Variants in ZNF492 observed in about 807,000 individuals in gnomAD.
The protein encoded by ZNF492 is zinc finger protein 492.
Under a neutral mutation model 6.4 loss-of-function variants are expected in ZNF492, and 3 were observed. That is an observed-to-expected ratio of 0.47 (90% CI 0.21 to 1.22). The LOEUF (loss-of-function observed/expected upper bound fraction) is 1.22, where lower values mean the gene tolerates loss of function less well. Ranked by LOEUF, ZNF492 falls within the 50% of genes most tolerant of loss-of-function variation. ZNF492 has a pLI of 0.22. For synonymous variants in ZNF492, 112 were observed against 205.3 expected, an observed-to-expected ratio of 0.55 and a Z score of 3.89; for missense variants, 356 against 612.5, an observed-to-expected ratio of 0.58 and a Z score of 4.42.
chr19:22,641,662 C>G lies in ZNF492; in HGVS notation c.-94+7188C>G, dbSNP rs147117946. 6.9e-3 allele frequency among the ~76,000 whole-genome samples: 1,052 copies of G among 152,238 alleles called. 10 individuals carry two copies. Among genetic ancestry groups the G allele is most frequent in the Non-Finnish European group, 0.012 (784 of 68,022 alleles). Reference sequence around the variant, plus strand: ...AGGTCTTAATATCTTTGTTAATTTTCTGCCTCAATAATGTGACTATTAGTG... The same window carrying G: ...AGGTCTTAATATCTTTGTTAATTTTGTGCCTCAATAATGTGACTATTAGTG... On this transcript the variant is annotated intron_variant, in intron 1 of 3. Coordinates refer to ENST00000456783, the MANE Select transcript of ZNF492 (RefSeq NM_020855.3).
chr19:22,656,380 G>A (rs1971996980), intron 3 of ZNF492, among the ~76,000 whole-genome samples: 1 of 151,546 alleles, frequency 6.6e-6, no homozygotes, highest in Non-Finnish European at 1.5e-5. Context: ...GCAGATTTCT[G>A]CACTTGGGTC....
intron 1 of ZNF492, among the ~76,000 whole-genome samples, chr19:22,651,277 G>A (rs184412775): frequency 6.6e-6 from 1 of 152,056 alleles, no homozygotes; most frequent in Non-Finnish European, 1.5e-5. Context: ...TCAGGTGCCA[G>A]TGCAGGATTC....
intron 1 of ZNF492, among the ~76,000 whole-genome samples, chr19:22,648,150 T>C (rs1047077995): frequency 1.3e-5 from 2 of 152,218 alleles, no homozygotes; most frequent in Admixed American, 6.5e-5. Context: ...TCTAGTATGT[T>C]GTGATTTTGT....
chr19:22,640,131 T>G (rs186518372), intron 1 of ZNF492, among the ~76,000 whole-genome samples: 36 of 152,238 alleles, frequency 2.4e-4, no homozygotes, highest in Admixed American at 8.5e-4. Flanking sequence ...CAGTTCTTAT[T>G]ATGTGATGAA....
intron 3 of ZNF492, among the ~76,000 whole-genome samples, chr19:22,658,105 T>C (rs1972014994): frequency 6.6e-6 from 1 of 152,134 alleles, no homozygotes; most frequent in Non-Finnish European, 1.5e-5. Context: ...AACCTAAAAT[T>C]TACCACCTTA....
At chr19:22,653,068 A>G (rs1487647498) in intron 1 of ZNF492, among the ~76,000 whole-genome samples, 3 of 150,110 alleles carry the variant, frequency 2.0e-5, no homozygotes, top group African/African-American at 7.5e-5. Flanking sequence ...TTTATACTTC[A>G]TCATCCGAAG....
At chr19:22,654,605 CTTT>C (rs35048607) in intron 3 of ZNF492, among the ~76,000 whole-genome samples, 1 of 130,164 alleles carries the variant, frequency 7.7e-6, no homozygotes. Context: ...TTTTCTCTTT[CTTT>C]TTTTTTTTTT....
chr19:22,641,670 A>G (rs1971826389), intron 1 of ZNF492, among the ~76,000 whole-genome samples: 1 of 152,198 alleles, frequency 6.6e-6, no homozygotes, highest in Non-Finnish European at 1.5e-5. Flanking sequence ...TTCTGCCTCA[A>G]TAATGTGACT....
intron 1 of ZNF492, 109 bp downstream of exon 1, chr19:22,634,583 G>A: frequency 8.8e-7 from 1 of 1,137,798 alleles, no homozygotes; most frequent in Non-Finnish European, 1.3e-6. Flanking sequence ...TCCACAATCT[G>A]CGCCCCAAGT....
At position 22,665,103 on chromosome 19, in the gene ZNF492, G is replaced by A. The variant is rs1370350319; in HGVS notation, c.1434G>A (p.Lys478=). The change falls in exon 4 of 4, where the codon AAG becomes AAA. Residue 478 remains lysine, a synonymous_variant. Transcript: ENST00000456783. The stretch of plus-strand genomic sequence containing the variant: ...TTCATACTGGAGAGAAACCCTACAA[G>A]TGTGAAGAATGTGGCAAAGCCTTTA... ...KMIHTGEKPY[K]CEECGKAFNN... is the part of the protein sequence containing the mutation. 6 of 1,606,156 alleles carry A rather than the reference G, an allele frequency of 3.7e-6. No individual in the cohort carries two copies. The African/African-American group carries it at 7.1e-5, about 19-fold the overall frequency.
chr19:22,649,542 TC>T (rs1445419241), intron 1 of ZNF492, among the ~76,000 whole-genome samples: 2 of 152,086 alleles, frequency 1.3e-5, no homozygotes, highest in Non-Finnish European at 2.9e-5. Context: ...GTTTCCATTC[TC>T]CCCCTTTCCT....
chr19:22,652,221 C>CTTTTTTTTTTTTTTTTTTTT lies in ZNF492; in HGVS notation c.-93-1069_-93-1068insTTTTTTTTTTTTTTTTTTTT, dbSNP rs59051481. On this transcript the variant is annotated intron_variant, in intron 1 of 3. Transcript: ENST00000456783. ...AATCTGGCAGCTGACCTTTCTTAGG[C>CTTTTTTTTTTTTTTTTTTTT]TTTTTTTTTTTTTTTTTGAGACGGA... Among the ~76,000 whole-genome samples, 12 of 105,464 alleles carry CTTTTTTTTTTTTTTTTTTTT rather than the reference C, an allele frequency of 1.1e-4. 2 individuals are homozygous for CTTTTTTTTTTTTTTTTTTTT. The highest frequency in any genetic ancestry group is 6.8e-4 in the African/African-American group (12 of 17,618). The allele number at this position is 105,464 out of a possible 152,430, so 69.2% of individuals were successfully genotyped here. A position where few individuals can be genotyped will look rare whatever the true frequency, so the allele number is the denominator to read the frequency against.
At position 22,665,331 on chromosome 19, in the gene ZNF492, T is replaced by G; in HGVS notation, c.*66T>G. ...ACTGGATTGTAGGTAAGGTAATTCA[T>G]TCTGGAGAAAACTTCTACAAGTGTG... On this transcript the variant is annotated 3_prime_UTR_variant, in exon 4 of 4. Transcript: ENST00000456783. The G allele has an allele frequency of 6.7e-7, 1 of 1,494,952 alleles. No homozygotes were observed. The highest frequency in any genetic ancestry group is 8.9e-7 in the Non-Finnish European group (1 of 1,123,350). 92.6% of individuals were successfully genotyped at this position (1,494,952 alleles called of 1,614,324 possible).
chr19:22,654,180 C>T (rs537316934), intron 3 of ZNF492, among the ~76,000 whole-genome samples, 165 bp downstream of exon 3: 72 of 152,110 alleles, frequency 4.7e-4, no homozygotes, highest in Non-Finnish European at 5.0e-4. Flanking sequence ...GAAGCATCTT[C>T]TGTCTTATAT....
intron 1 of ZNF492, among the ~76,000 whole-genome samples, chr19:22,653,052 C>T (rs1203892759): frequency 6.6e-6 from 1 of 150,800 alleles, no homozygotes; most frequent in Non-Finnish European, 1.5e-5. Flanking sequence ...TGTTAATGCC[C>T]TCAATTTTAT....
intron 1 of ZNF492, among the ~76,000 whole-genome samples, chr19:22,640,720 T>C (rs1367775012): frequency 6.6e-6 from 1 of 152,250 alleles, no homozygotes; most frequent in African/African-American, 2.4e-5. Context: ...GTCCATCTAC[T>C]AGAATTCAGC....
intron 1 of ZNF492, 127 bp downstream of exon 1, chr19:22,634,601 GC>G: frequency 9.9e-7 from 1 of 1,011,484 alleles, no homozygotes; most frequent in Non-Finnish European, 1.5e-6. Flanking sequence ...AGTTCGCCTT[GC>G]CCAGCCCAGC....
At position 22,667,417 on chromosome 19, in the gene ZNF492, A is replaced by C. The variant is rs117793815; in HGVS notation, c.*2152A>C. On this transcript the variant is annotated 3_prime_UTR_variant, in exon 4 of 4. Coordinates refer to ENST00000456783, the MANE Select transcript of ZNF492 (RefSeq NM_020855.3). ...TTTACTTTTGTTAGTTTTTTCAGGC[A>C]TATAATATTTATGTTATATATGGCA... 1.3e-5 allele frequency: 2 copies of C among 151,966 alleles called. No individual in the cohort carries two copies. Among genetic ancestry groups the C allele is most frequent in the South Asian group, 4.1e-4 (2 of 4,824 alleles). The allele number at this position is 151,966 out of a possible 1,614,324, so 9.4% of individuals were successfully genotyped here. A position where few individuals can be genotyped will look rare whatever the true frequency, so the allele number is the denominator to read the frequency against.
intron 1 of ZNF492, among the ~76,000 whole-genome samples, chr19:22,640,043 A>G (rs7250343): frequency 0.19 from 29,421 of 151,916 alleles, 3,706 homozygotes; most frequent in African/African-American, 0.37. Context: ...GTTTGTTGAG[A>G]CTTTTTAACA....
Sources: allele counts gnomAD v4.1 joint callset (sites outside exome capture counted in the v4.1 genomes callset), GRCh38; gene constraint gnomAD v4.1.1; transcripts MANE v1.5; gene names NCBI Gene and HGNC (gene_info 2026-07-23, HGNC 2026-07-21).